Variants in LRPPRC observed in about 807,000 individuals in gnomAD.
The protein encoded by LRPPRC is leucine rich pentatricopeptide repeat containing, also known as leucine-rich PPR motif-containing protein, mitochondrial.
A neutral mutation model predicts 180.3 loss-of-function variants in LRPPRC; 120 were observed. The ratio of observed to expected loss-of-function variants is 0.67; its 90% CI spans 0.57 to 0.77. LRPPRC has a LOEUF of 0.77. Among genes scored for constraint, LRPPRC ranks in the 30% least tolerant of loss-of-function variants. The pLI, the probability that LRPPRC is intolerant of heterozygous loss-of-function variation, is 0.00. For missense variants in LRPPRC, 2,012 were observed against 1,657.2 expected (o/e 1.21, Z -3.72); for synonymous variants, 723 against 600.0 (o/e 1.21, Z -3.00).
At chr2:43,969,139 G>A (rs1383898827) in intron 11 of LRPPRC, among the ~76,000 whole-genome samples, 6 of 152,216 alleles carry the variant, frequency 3.9e-5, no homozygotes, top group African/African-American at 1.2e-4. Context: ...CAGTCCGGGC[G>A]CAGAGGCTCA....
At chr2:43,895,523 G>C (rs1670646942) in intron 35 of LRPPRC, among the ~76,000 whole-genome samples, 1 of 152,200 alleles carries the variant, frequency 6.6e-6, no homozygotes. Context: ...GTGCTTTTCA[G>C]ATTCCTTATA....
At chr2:43,960,308 C>T (rs879551169) in intron 13 of LRPPRC, among the ~76,000 whole-genome samples, 7 of 152,154 alleles carry the variant, frequency 4.6e-5, no homozygotes, top group Non-Finnish European at 7.4e-5. Context: ...TCTTCAGGGT[C>T]TCCAGGTCCA....
intron 1 of LRPPRC, among the ~76,000 whole-genome samples, chr2:43,986,717 T>G (rs1421522014): frequency 1.3e-5 from 2 of 152,062 alleles, no homozygotes; most frequent in African/African-American, 4.8e-5. Flanking sequence ...TGAGACGGTC[T>G]CATTCTGAAA....
At chr2:43,918,884 G>A (rs1240802854) in intron 27 of LRPPRC, among the ~76,000 whole-genome samples, 2 of 148,710 alleles carry the variant, frequency 1.3e-5, no homozygotes, top group Non-Finnish European at 3.0e-5. Flanking sequence ...TAGATATATG[G>A]CATATGCCAC....
In LRPPRC at chr2:43,943,871, T is replaced by C. The variant is rs1397610480; in HGVS notation, c.2320A>G (p.Met774Val). 3 of 1,612,928 alleles carry C rather than the reference T, an allele frequency of 1.9e-6. No homozygotes were observed. Among genetic ancestry groups the C allele is most frequent in the East Asian group, 2.2e-5 (1 of 44,836 alleles). The change falls in exon 23 of 38, where the codon ATG becomes GTG. Residue 774 changes from methionine to valine, a missense_variant. Transcript: ENST00000260665. The stretch of plus-strand genomic sequence containing the variant: ...TTGATAAGAACATCCTTCTCTTTCA[T>C]CTCCTTCAGAATGTTAATAGCATCT... ...LQDAINILKE[M>V]KEKDVLIKDT...
intron 1 of LRPPRC, among the ~76,000 whole-genome samples, chr2:43,983,804 T>C (rs969606014): frequency 3.3e-5 from 5 of 152,178 alleles, no homozygotes; most frequent in African/African-American, 1.2e-4. Flanking sequence ...TAAAGGAAAC[T>C]ATACTAGAGG....
At chr2:43,952,962 A>T (rs1572538040) in intron 14 of LRPPRC, among the ~76,000 whole-genome samples, 1 of 152,202 alleles carries the variant, frequency 6.6e-6, no homozygotes, top group Non-Finnish European at 1.5e-5. Context: ...TTAGAATGAG[A>T]CTACTCATAA....
intron 3 of LRPPRC, among the ~76,000 whole-genome samples, chr2:43,979,038 T>G (rs1414787146): frequency 6.6e-6 from 1 of 152,120 alleles, no homozygotes; most frequent in Non-Finnish European, 1.5e-5. Flanking sequence ...TTTAACACAT[T>G]AAAGAAGCAT....
In LRPPRC at chr2:43,918,094, A is replaced by G. The variant is rs1219371123; in HGVS notation, c.3079T>C (p.Ser1027Pro). 1 of 1,613,452 alleles carries G rather than the reference A, an allele frequency of 6.2e-7. No individual in the cohort carries two copies. Among genetic ancestry groups the G allele is most frequent in the East Asian group, 2.2e-5 (1 of 44,828 alleles). ...AAATCAGGTTCTGTGGTTGAGGCTGACGAAGAATTCAGGGAATGTTTTTCA... is the reference window on the plus strand; with the variant it reads ...AAATCAGGTTCTGTGGTTGAGGCTGGCGAAGAATTCAGGGAATGTTTTTCA... ...EDEKHSLNSS[S>P]ASTTEPDFQK... The change falls in exon 29 of 38, where the codon TCA becomes CCA. Residue 1027 changes from serine (S) to proline (P), a missense_variant. Ser to Pro is a moderately conservative substitution (Grantham distance 74). Coordinates refer to ENST00000260665, the MANE Select transcript of LRPPRC (RefSeq NM_133259.4).
intron 25 of LRPPRC, among the ~76,000 whole-genome samples, chr2:43,928,097 AGT>A (rs887932431): frequency 2.0e-5 from 3 of 152,224 alleles, no homozygotes; most frequent in Non-Finnish European, 4.4e-5. Context: ...TCTAATGAAC[AGT>A]GAGGATACAG....
At chr2:43,982,481 G>C in intron 1 of LRPPRC, 47 bp from the exon 2 acceptor site, 1 of 1,442,952 alleles carries the variant, frequency 6.9e-7, no homozygotes, top group Non-Finnish European at 9.7e-7. Context: ...TATCTATTTA[G>C]GTCATTTTTT....
At chr2:43,953,286 A>C (rs1672975985) in intron 14 of LRPPRC, among the ~76,000 whole-genome samples, 1 of 152,222 alleles carries the variant, frequency 6.6e-6, no homozygotes. Flanking sequence ...GCTCTGAATT[A>C]GGCACATATT....
At chr2:43,972,914 G>C (rs1038918681) in intron 11 of LRPPRC, among the ~76,000 whole-genome samples, 2 of 152,084 alleles carry the variant, frequency 1.3e-5, no homozygotes, top group African/African-American at 4.8e-5. Flanking sequence ...TCTGTTAAAA[G>C]CATCTTTTTA....
chr2:43,958,260 T>C (rs1047265101), intron 13 of LRPPRC, among the ~76,000 whole-genome samples: 1 of 152,224 alleles, frequency 6.6e-6, no homozygotes, highest in African/African-American at 2.4e-5. Context: ...ATAGAGTTAA[T>C]CTTTTCACTA....
intron 7 of LRPPRC, 47 bp from the exon 8 acceptor site, chr2:43,974,805 T>C (rs1302788446): frequency 6.4e-7 from 1 of 1,569,610 alleles, no homozygotes; most frequent in African/African-American, 1.3e-5. Context: ...AGTGTTTTTA[T>C]TTAAGTATTA....
At chr2:43,915,232 T>TCTCTCTCTCTCTCTCTCTCTCACA (rs1174216406) in intron 29 of LRPPRC, among the ~76,000 whole-genome samples, 6 of 51,834 alleles carry the variant, frequency 1.2e-4, no homozygotes, top group Non-Finnish European at 2.1e-4. Context: ...TCTCTCTCTC[T>TCTCTCTCTCTCTCTCTCTCTCACA]CACACACACA....
At chr2:43,962,543 G>GT (rs1006061181) in intron 12 of LRPPRC, among the ~76,000 whole-genome samples, 1 of 152,150 alleles carries the variant, frequency 6.6e-6, no homozygotes. Flanking sequence ...TTTTTGTTTT[G>GT]TTTTTGTAAT....
At chr2:43,889,174 G>T (rs964088211) in intron 37 of LRPPRC, among the ~76,000 whole-genome samples, 6 of 151,968 alleles carry the variant, frequency 3.9e-5, no homozygotes, top group Admixed American at 2.6e-4. Context: ...AATGTGCCAG[G>T]CATGGTGGCA....
chr2:43,956,437 T>C (rs1281596985), intron 14 of LRPPRC, among the ~76,000 whole-genome samples: 1 of 151,334 alleles, frequency 6.6e-6, no homozygotes, highest in East Asian at 2.0e-4. Context: ...CCAGTGTCAT[T>C]ATGCATACAA....
Sources: allele counts gnomAD v4.1 joint callset (sites outside exome capture counted in the v4.1 genomes callset), GRCh38; gene constraint gnomAD v4.1.1; transcripts MANE v1.5; gene names NCBI Gene and HGNC (gene_info 2026-07-23, HGNC 2026-07-21).